Variants in KPNB1 observed in about 807,000 individuals in gnomAD.
KPNB1 encodes karyopherin subunit beta 1.
A neutral mutation model predicts 113.0 loss-of-function variants in KPNB1; 7 were observed. The ratio of observed to expected loss-of-function variants is 0.06; its 90% CI spans 0.04 to 0.12. The LOEUF (loss-of-function observed/expected upper bound fraction) is 0.12, where lower values mean the gene tolerates loss of function less well. Ranked by LOEUF, KPNB1 falls within the 10% of genes least tolerant of loss-of-function variation. The probability of loss-of-function intolerance (pLI) is 1.00; values close to 1 mark genes in which losing one functional copy is unlikely to be tolerated. For missense variants in KPNB1, 400 were observed against 1,054.8 expected (o/e 0.38, Z 8.60); for synonymous variants, 363 against 378.6 (o/e 0.96, Z 0.48).
Position 47,669,809 on chromosome 17 carries a change from G to A in KPNB1, c.1356G>A (p.Leu452=). ...AAINDVYLAP[L]LQCLIEGLSA... is the part of the protein sequence containing the mutation. ...TCAATGATGTCTACTTGGCTCCCCT[G>A]CTACAGTGTCTGATTGAGGGTCTCA... Residue 452 remains leucine (L), a synonymous_variant, in exon 11 of 22, where the codon CTG becomes CTA. Coordinates refer to ENST00000290158, the MANE Select transcript of KPNB1 (RefSeq NM_002265.6). The A allele has an allele frequency of 3.7e-6, 6 of 1,614,122 alleles. No individual in the cohort carries two copies. The highest frequency in any genetic ancestry group is 5.1e-6 in the Non-Finnish European group (6 of 1,179,984).
Position 47,685,398 on chromosome 17 carries a change from G to A in KPNB1, c.*2994G>A, listed in dbSNP as rs2030909978. ...CAGAATGCCCTTGGCATGCCAGTCTGTGATGGCATTTAAGACCTGTAAAAC... is the reference window on the plus strand; with the variant it reads ...CAGAATGCCCTTGGCATGCCAGTCTATGATGGCATTTAAGACCTGTAAAAC... On this transcript the variant is annotated 3_prime_UTR_variant, in exon 22 of 22. Transcript: ENST00000290158. 1 of 152,152 alleles carries A rather than the reference G, an allele frequency of 6.6e-6. No individual in the cohort carries two copies. The highest frequency in any genetic ancestry group is 2.1e-4 in the South Asian group (1 of 4,832). 9.4% of individuals were successfully genotyped at this position (152,152 alleles called of 1,614,324 possible).
intron 15 of KPNB1, among the ~76,000 whole-genome samples, chr17:47,675,361 G>GTGTTTTTTTTTTTTTTTTT (rs2030566872): frequency 1.1e-5 from 1 of 88,692 alleles, no homozygotes. Context: ...CAGAGGTGTT[G>GTGTTTTTTTTTTTTTTTTT]TTTTTTTTTT....
Position 47,652,810 on chromosome 17 carries a change from C to G in KPNB1, c.216C>G (p.Ile72Met), listed in dbSNP as rs371998597. ...CTTTGACATCTAAAGATCCAGATAT[C>G]AAGGCACAATATCAGCAGAGGTGGC... ...KNSLTSKDPD[I>M]KAQYQQRWLA... The change falls in exon 3 of 22, where the codon ATC (isoleucine) becomes ATG (methionine). Residue 72 changes from isoleucine (I) to methionine (M), a missense_variant. Ile to Met is a conservative substitution (Grantham distance 10, BLOSUM62 1). Coordinates refer to ENST00000290158, the MANE Select transcript of KPNB1 (RefSeq NM_002265.6). 9 of 1,612,008 alleles carry G rather than the reference C, an allele frequency of 5.6e-6. No homozygotes were observed. In the African/African-American group the frequency reaches 1.1e-4, roughly 19 times the overall value.
In KPNB1 at chr17:47,650,211, C is replaced by T. The variant is rs1567885382; in HGVS notation, c.-34C>T. On this transcript the variant is annotated 5_prime_UTR_variant, in exon 1 of 22. Transcript: ENST00000290158. ...GCCGCCCGAAAGGCCGGGCCGTCGTCTTAGGAGGAGTCGCCGCCGCCGCCA... is the reference window on the plus strand; with the variant it reads ...GCCGCCCGAAAGGCCGGGCCGTCGTTTTAGGAGGAGTCGCCGCCGCCGCCA... 5.0e-6 allele frequency: 7 copies of T among 1,393,502 alleles called. No homozygotes were observed. Among genetic ancestry groups the T allele is most frequent in the Admixed American group, 2.1e-5 (1 of 48,336 alleles). The allele number at this position is 1,393,502 out of a possible 1,614,324, so 86.3% of individuals were successfully genotyped here. A position where few individuals can be genotyped will look rare whatever the true frequency, so the allele number is the denominator to read the frequency against.
chr17:47,650,807 G>A (rs1345154523), intron 2 of KPNB1, among the ~76,000 whole-genome samples: 1 of 152,198 alleles, frequency 6.6e-6, no homozygotes, highest in African/African-American at 2.4e-5. Flanking sequence ...GGGCCTAGGG[G>A]CCATGTGGAA....
chr17:47,653,916 TAAC>T (rs907990394), intron 3 of KPNB1, among the ~76,000 whole-genome samples: 1 of 152,206 alleles, frequency 6.6e-6, no homozygotes, highest in East Asian at 1.9e-4. Flanking sequence ...GCTTGTGTAA[TAAC>T]AACATTTTAA....
rs547581440 is a variant in KPNB1, at chr17:47,669,917, G to A, written c.1416+48G>A. ...AGAAAAGGAGCTTGCCTGCGCCACTGGCAAGAAAGTAGAAGGTGTGGGAGA... is the reference window on the plus strand; with the variant it reads ...AGAAAAGGAGCTTGCCTGCGCCACTAGCAAGAAAGTAGAAGGTGTGGGAGA... On this transcript the variant is annotated intron_variant, in intron 11 of 21. Coordinates refer to ENST00000290158, the MANE Select transcript of KPNB1 (RefSeq NM_002265.6). 3.7e-5 allele frequency: 50 copies of A among 1,365,906 alleles called. 1 individual carries two copies. In the South Asian group the frequency reaches 5.9e-4, roughly 16 times the overall value. 84.6% of individuals were successfully genotyped at this position (1,365,906 alleles called of 1,614,324 possible).
chr17:47,670,658 G>A (rs777512359), intron 11 of KPNB1, 44 bp from the exon 12 acceptor site: 2 of 1,559,864 alleles, frequency 1.3e-6, no homozygotes, highest in South Asian at 1.2e-5. Flanking sequence ...ATCCTAAGGT[G>A]TGGGGTTCTT....
At position 47,682,493 on chromosome 17, in the gene KPNB1, G is replaced by C. The variant is rs2030814254; in HGVS notation, c.*89G>C. On this transcript the variant is annotated 3_prime_UTR_variant, in exon 22 of 22. Transcript: ENST00000290158. ...CTGGAAGTGAGGAGTGTGCACGGAT[G>C]CTGAATGTTTGGGAATGAGAGGATG... is the stretch of plus-strand genomic sequence containing the variant. 6 of 773,086 alleles carry C rather than the reference G, an allele frequency of 7.8e-6. No individual in the cohort carries two copies. The highest frequency in any genetic ancestry group is 1.4e-5 in the Non-Finnish European group (6 of 415,608). The allele number at this position is 773,086 out of a possible 1,614,324, so 47.9% of individuals were successfully genotyped here. A position where few individuals can be genotyped will look rare whatever the true frequency, so the allele number is the denominator to read the frequency against.
rs749960460 is a variant in KPNB1, at chr17:47,673,024, T to C, written c.1554T>C (p.Asp518=). 3.7e-6 allele frequency: 6 copies of C among 1,613,670 alleles called. No individual in the cohort carries two copies. In the South Asian group the frequency reaches 6.6e-5, roughly 18 times the overall value. The part of the protein sequence containing the change: ...QKLLETTDRP[D]GHQNNLRSSA... ...TTCGCTGTGTTCTTTACAGACCTGA[T>C]GGACACCAGAACAACCTGAGGAGTT... The change falls in exon 13 of 22, where the codon GAT becomes GAC. Residue 518 remains aspartate, a synonymous_variant. Coordinates refer to ENST00000290158, the MANE Select transcript of KPNB1 (RefSeq NM_002265.6).
intron 12 of KPNB1, 113 bp from the exon 13 acceptor site, chr17:47,672,904 AC>A: frequency 1.1e-6 from 1 of 906,252 alleles, no homozygotes; most frequent in Admixed American, 3.0e-5. Context: ...TCAAACTCAA[AC>A]CAGGTCTGCA....
chr17:47,651,843 G>A (rs1176273031), intron 2 of KPNB1, among the ~76,000 whole-genome samples: 1 of 152,178 alleles, frequency 6.6e-6, no homozygotes, highest in Non-Finnish European at 1.5e-5. Flanking sequence ...AAAGGGAGTA[G>A]TTTTTGAGGC....
At chr17:47,679,932 T>G in intron 19 of KPNB1, 88 bp from the exon 20 acceptor site, 1 of 775,228 alleles carries the variant, frequency 1.3e-6, no homozygotes, top group Non-Finnish European at 2.3e-6. Flanking sequence ...CTTCTGACCT[T>G]GTGATCCACC....
At chr17:47,669,556 T>A in intron 10 of KPNB1, 122 bp from the exon 11 acceptor site, 1 of 647,182 alleles carries the variant, frequency 1.5e-6, no homozygotes. Context: ...CCTGTAAAAT[T>A]ACAGAAGTAT....
intron 12 of KPNB1, among the ~76,000 whole-genome samples, chr17:47,672,668 A>G (rs1444882236): frequency 6.6e-6 from 1 of 152,218 alleles, no homozygotes; most frequent in East Asian, 1.9e-4. Flanking sequence ...GATTATAGGC[A>G]TGAGCCATCA....
chr17:47,651,728 T>C (rs1915578296), intron 2 of KPNB1, among the ~76,000 whole-genome samples: 1 of 152,240 alleles, frequency 6.6e-6, no homozygotes, highest in African/African-American at 2.4e-5. Flanking sequence ...ATTGCAGAGC[T>C]TGTTAGCAGT....
chr17:47,672,960 A>T, intron 12 of KPNB1, 58 bp from the exon 13 acceptor site: 1 of 1,529,592 alleles, frequency 6.5e-7, no homozygotes, highest in Non-Finnish European at 8.8e-7. Flanking sequence ...GACATTGTCT[A>T]TGTTCTTCCC....
chr17:47,669,677 G>T lies in KPNB1; in HGVS notation c.1225-1G>T. The T allele has an allele frequency of 6.3e-7, 1 of 1,585,578 alleles. No homozygotes were observed. The highest frequency in any genetic ancestry group is 8.7e-7 in the Non-Finnish European group (1 of 1,156,060). On this transcript the variant is annotated splice_acceptor_variant, in intron 10 of 21. Transcript: ENST00000290158. LOFTEE classifies it high-confidence loss of function. Reference sequence around the variant, plus strand: ...TTTGCTAATAACTGTTATATTTTCAGGCTATGCCCACCCTAATAGAATTAA... The same window carrying T: ...TTTGCTAATAACTGTTATATTTTCATGCTATGCCCACCCTAATAGAATTAA...
chr17:47,652,109 T>C (rs971491039), intron 2 of KPNB1, among the ~76,000 whole-genome samples: 1 of 152,208 alleles, frequency 6.6e-6, no homozygotes, highest in African/African-American at 2.4e-5. Context: ...AGGATGAGGC[T>C]CCTAAGTTTG....
Sources: allele counts gnomAD v4.1 joint callset (sites outside exome capture counted in the v4.1 genomes callset), GRCh38; gene constraint gnomAD v4.1.1; transcripts MANE v1.5; gene names NCBI Gene and HGNC (gene_info 2026-07-23, HGNC 2026-07-21).